Variants in ZFAND3 observed in about 807,000 individuals in gnomAD.
The protein encoded by ZFAND3 is zinc finger AN1-type containing 3, also known as AN1-type zinc finger protein 3.
A neutral mutation model predicts 29.6 loss-of-function variants in ZFAND3; 10 were observed. That is an observed-to-expected ratio of 0.34 (90% confidence interval 0.21 to 0.57). ZFAND3 has a LOEUF of 0.57. Among genes scored for constraint, ZFAND3 ranks in the 20% least tolerant of loss-of-function variants. The pLI, the probability that ZFAND3 is intolerant of heterozygous loss-of-function variation, is 0.86. For missense variants in ZFAND3, 230 were observed against 304.5 expected, an observed-to-expected ratio of 0.76 and a Z score of 1.82; for synonymous variants, 128 against 112.6, an observed-to-expected ratio of 1.14 and a Z score of -0.87.
chr6:37,857,070 A>G (rs1014044257), intron 1 of ZFAND3, among the ~76,000 whole-genome samples: 4 of 151,968 alleles, frequency 2.6e-5, no homozygotes, highest in East Asian at 1.9e-4. Context: ...AGCCTCCCCA[A>G]TAGCTGGGAC....
intron 1 of ZFAND3, among the ~76,000 whole-genome samples, chr6:37,908,086 G>C (rs1410139951): frequency 6.6e-6 from 1 of 152,098 alleles, no homozygotes; most frequent in Non-Finnish European, 1.5e-5. Flanking sequence ...ATGAATCGCA[G>C]TTGGTTTGAT....
chr6:37,870,706 CAG>C (rs1764680691), intron 1 of ZFAND3, among the ~76,000 whole-genome samples: 2 of 151,434 alleles, frequency 1.3e-5, no homozygotes. Flanking sequence ...ATGAATGAGA[CAG>C]GGTCTTGTTC....
chr6:38,096,385 C>T (rs1764980468), intron 4 of ZFAND3, among the ~76,000 whole-genome samples: 1 of 152,072 alleles, frequency 6.6e-6, no homozygotes, highest in Admixed American at 6.5e-5. Context: ...ATTGGCCAGG[C>T]TGATCTCGAA....
intron 2 of ZFAND3, among the ~76,000 whole-genome samples, chr6:38,043,246 T>C (rs1312670951): frequency 1.3e-5 from 2 of 151,440 alleles, no homozygotes; most frequent in East Asian, 3.9e-4. Flanking sequence ...CCTTTTCCCT[T>C]TCTACTGCCA....
At chr6:38,087,523 A>G (rs1026333669) in intron 4 of ZFAND3, among the ~76,000 whole-genome samples, 3 of 152,160 alleles carry the variant, frequency 2.0e-5, no homozygotes, top group African/African-American at 7.2e-5. Context: ...AAAAAAACAG[A>G]CAGAAGATTT....
intron 5 of ZFAND3, among the ~76,000 whole-genome samples, chr6:38,150,968 A>G (rs1271976965): frequency 6.6e-6 from 1 of 152,070 alleles, no homozygotes. Context: ...TGCTGATGGG[A>G]TGAGAAGGTG....
intron 2 of ZFAND3, among the ~76,000 whole-genome samples, chr6:38,043,314 C>G (rs1313395763): frequency 2.0e-5 from 3 of 151,174 alleles, no homozygotes; most frequent in Non-Finnish European, 4.4e-5. Context: ...TTGCTAATAC[C>G]ATTGACCTTG....
At chr6:38,001,896 CTTTTT>C (rs754243297) in intron 2 of ZFAND3, among the ~76,000 whole-genome samples, 34 of 152,144 alleles carry the variant, frequency 2.2e-4, no homozygotes, top group Admixed American at 3.9e-4. Flanking sequence ...GTTATCTTTT[CTTTTT>C]GTCTTTTAGT....
chr6:37,935,021 A>G (rs77728194), intron 2 of ZFAND3, among the ~76,000 whole-genome samples: 9,683 of 152,180 alleles, frequency 0.064, 431 homozygotes, highest in Non-Finnish European at 0.093. Context: ...GTGGATCTAT[A>G]TCTCTCAAGT....
Position 37,855,774 on chromosome 6 carries a change from C to T in ZFAND3, c.71+35758C>T, listed in dbSNP as rs75815663. Among the ~76,000 whole-genome samples the T allele has an allele frequency of 0.017, 2,586 of 152,230 alleles. 254 individuals are homozygous for T. The East Asian group carries it at 0.28, about 16-fold the overall frequency. The stretch of plus-strand genomic sequence containing the variant: ...CATATGTAGACCTTCATGTACTTTG[C>T]ATATACACAGTGTACTTCGTTGGTG... On this transcript the variant is annotated intron_variant, in intron 1 of 5. Transcript: ENST00000287218.
intron 4 of ZFAND3, among the ~76,000 whole-genome samples, chr6:38,114,758 C>CT (rs1327608198): frequency 2.6e-5 from 4 of 152,174 alleles, no homozygotes; most frequent in Non-Finnish European, 5.9e-5. Context: ...AAAATACATC[C>CT]TATAGGCTGT....
At chr6:37,933,954 C>G (rs1761646268) in intron 2 of ZFAND3, among the ~76,000 whole-genome samples, 1 of 141,742 alleles carries the variant, frequency 7.1e-6, no homozygotes, top group Non-Finnish European at 1.5e-5. Flanking sequence ...GTGGCGCGAT[C>G]TCTGCTTACC....
chr6:38,106,125 T>G (rs959710282), intron 4 of ZFAND3, among the ~76,000 whole-genome samples: 1 of 152,032 alleles, frequency 6.6e-6, no homozygotes, highest in Admixed American at 6.6e-5. Flanking sequence ...AGAAGGTAGA[T>G]GAGTAGCAAC....
intron 2 of ZFAND3, among the ~76,000 whole-genome samples, chr6:38,054,209 C>T (rs551848318): frequency 7.3e-5 from 10 of 136,188 alleles, no homozygotes; most frequent in African/African-American, 2.6e-4. Context: ...AGTGAGACTC[C>T]ATCTCTATCA....
chr6:37,942,505 T>C (rs1761829075), intron 2 of ZFAND3, among the ~76,000 whole-genome samples: 1 of 152,174 alleles, frequency 6.6e-6, no homozygotes, highest in Non-Finnish European at 1.5e-5. Context: ...ATGAAACCAA[T>C]AGATATGTCA....
At chr6:38,026,787 CAG>C (rs71907088) in intron 2 of ZFAND3, among the ~76,000 whole-genome samples, 14,892 of 148,804 alleles carry the variant, frequency 0.1, 915 homozygotes, top group East Asian at 0.31. Context: ...TTTTAATAAC[CAG>C]AGAGAGAGAG....
chr6:37,965,030 TA>T (rs894416194), intron 2 of ZFAND3, among the ~76,000 whole-genome samples: 2 of 152,228 alleles, frequency 1.3e-5, no homozygotes, highest in African/African-American at 4.8e-5. Context: ...TGTTGCTTTT[TA>T]AACTATCTGT....
chr6:38,150,676 A>G lies in ZFAND3; in HGVS notation c.530-1559A>G, dbSNP rs73734312. Reference sequence around the variant, plus strand: ...CTGTTCTTCTAAAAGCACAGCCTCTACATCTCTGAAAAGAAGTTGAGGATG... The same window carrying G: ...CTGTTCTTCTAAAAGCACAGCCTCTGCATCTCTGAAAAGAAGTTGAGGATG... On this transcript the variant is annotated intron_variant, in intron 5 of 5. Transcript: ENST00000287218. Among the ~76,000 whole-genome samples the G allele has an allele frequency of 5.2e-3, 789 of 152,268 alleles. 9 individuals are homozygous for G. The highest frequency in any genetic ancestry group is 0.017 in the African/African-American group (726 of 41,554).
intron 2 of ZFAND3, among the ~76,000 whole-genome samples, chr6:38,002,598 G>T (rs1762969571): frequency 6.6e-6 from 1 of 152,104 alleles, no homozygotes; most frequent in Non-Finnish European, 1.5e-5. Flanking sequence ...AATCACTTGA[G>T]CCCAGGAGGT....
Sources: allele counts gnomAD v4.1 joint callset (sites outside exome capture counted in the v4.1 genomes callset), GRCh38; gene constraint gnomAD v4.1.1; transcripts MANE v1.5; gene names NCBI Gene and HGNC (gene_info 2026-07-23, HGNC 2026-07-21).